Variants in PTH2R observed in about 807,000 individuals in gnomAD.
PTH2R encodes the protein PTH2 receptor.
Under a neutral mutation model 60.3 loss-of-function variants are expected in PTH2R, and 59 were observed. That is an observed-to-expected ratio of 0.98 (90% CI 0.79 to 1.22). The LOEUF (loss-of-function observed/expected upper bound fraction) is 1.22. Among genes scored for constraint, PTH2R ranks in the 50% most tolerant of loss-of-function variants. The probability of loss-of-function intolerance (pLI) is 0.00; values close to 1 mark genes in which losing one functional copy is unlikely to be tolerated. For synonymous variants in PTH2R, 256 were observed against 243.8 expected, an observed-to-expected ratio of 1.05 and a Z score of -0.47; for missense variants, 749 against 682.6, an observed-to-expected ratio of 1.10 and a Z score of -1.08.
intron 1 of PTH2R, among the ~76,000 whole-genome samples, chr2:208,366,112 G>A (rs902040214): frequency 6.7e-5 from 10 of 149,594 alleles, no homozygotes; most frequent in South Asian, 2.1e-4. Context: ...GAGCCACCAC[G>A]TCTGGCCAGT....
rs550540310 is a variant in PTH2R at position 208,394,566 on chromosome 2, C to T, written c.-258-33635C>T. Among the ~76,000 whole-genome samples the T allele has an allele frequency of 1.6e-4, 24 of 152,324 alleles. No homozygotes were observed. In the East Asian group the frequency reaches 3.9e-3, roughly 25 times the overall value. ...GAAACTAGACTTTTGGCCCTAGTCACGCTTCCCTAAGCAGCCTTAGTCCTC... is the reference window on the plus strand; with the variant it reads ...GAAACTAGACTTTTGGCCCTAGTCATGCTTCCCTAAGCAGCCTTAGTCCTC... On this transcript the variant is annotated intron_variant, in intron 1 of 12. Transcript: ENST00000617735.
At chr2:208,409,504 A>G (rs532686401) in intron 1 of PTH2R, among the ~76,000 whole-genome samples, 79 of 152,334 alleles carry the variant, frequency 5.2e-4, no homozygotes, top group Middle Eastern at 3.4e-3. Flanking sequence ...TTTTTAGCAT[A>G]CCCAGTTAAT....
chr2:208,369,957 C>A (rs1216743412), intron 1 of PTH2R, among the ~76,000 whole-genome samples: 1 of 151,970 alleles, frequency 6.6e-6, no homozygotes, highest in Non-Finnish European at 1.5e-5. Flanking sequence ...AAGTAATGAA[C>A]AAGCATCTGG....
At chr2:208,478,243 GTTC>G (rs1485410674) in intron 9 of PTH2R, among the ~76,000 whole-genome samples, 2 of 152,052 alleles carry the variant, frequency 1.3e-5, no homozygotes, top group Non-Finnish European at 2.9e-5. Context: ...AGCTGTCTTT[GTTC>G]TTCTTCTTTT....
At chr2:208,444,959 T>A (rs1702261643) in intron 7 of PTH2R, 72 bp downstream of exon 7, 2 of 1,448,718 alleles carry the variant, frequency 1.4e-6, no homozygotes, top group Non-Finnish European at 1.9e-6. Context: ...TGCCCATCAT[T>A]AGCATCCCTA....
intron 8 of PTH2R, among the ~76,000 whole-genome samples, chr2:208,457,818 G>A (rs1416658119): frequency 6.6e-6 from 1 of 152,096 alleles, no homozygotes; most frequent in Non-Finnish European, 1.5e-5. Flanking sequence ...AAAATATGTA[G>A]TTCTTAGTGT....
intron 9 of PTH2R, among the ~76,000 whole-genome samples, chr2:208,460,202 T>C (rs900275259): frequency 6.6e-5 from 10 of 152,120 alleles, no homozygotes; most frequent in Non-Finnish European, 1.5e-4. Context: ...GACTTCAAAA[T>C]ATCTATGAGC....
chr2:208,405,026 CAG>C (rs2105827868), upstream of PTH2R, among the ~76,000 whole-genome samples: 1 of 152,302 alleles, frequency 6.6e-6, no homozygotes, highest in African/African-American at 2.4e-5. Flanking sequence ...CCTCTTCTAT[CAG>C]AGCAGCCTTA....
At chr2:208,362,526 A>G (rs188308212) in intron 1 of PTH2R, among the ~76,000 whole-genome samples, 6 of 152,324 alleles carry the variant, frequency 3.9e-5, no homozygotes, top group Non-Finnish European at 5.9e-5. Flanking sequence ...AGATATATCT[A>G]TATCATAGAT....
intron 1 of PTH2R, among the ~76,000 whole-genome samples, chr2:208,377,717 C>T (rs1188223799): frequency 6.7e-6 from 1 of 149,994 alleles, no homozygotes; most frequent in African/African-American, 2.5e-5. Flanking sequence ...GGCAGAGACG[C>T]TCCTCACCTC....
At chr2:208,392,994 G>T (rs1701134543) in intron 1 of PTH2R, among the ~76,000 whole-genome samples, 1 of 152,224 alleles carries the variant, frequency 6.6e-6, no homozygotes, top group African/African-American at 2.4e-5. Flanking sequence ...TCGTATTGCT[G>T]TCTGGGCATT....
intron 8 of PTH2R, among the ~76,000 whole-genome samples, chr2:208,454,918 A>C (rs1356637694): frequency 6.6e-6 from 1 of 152,160 alleles, no homozygotes; most frequent in Non-Finnish European, 1.5e-5. Context: ...GTGAATACCT[A>C]AACTCTATAA....
At position 208,429,943 on chromosome 2, in the gene PTH2R, G is replaced by A. The variant is rs141003550; in HGVS notation, c.178+1640G>A. On this transcript the variant is annotated intron_variant, in intron 2 of 12. Transcript: ENST00000272847. Reference sequence around the variant, plus strand: ...GTAGTTACTAATATACAGTATTTGAGTTTAATTCTAAAATCTCATGTGGGC... The same window carrying A: ...GTAGTTACTAATATACAGTATTTGAATTTAATTCTAAAATCTCATGTGGGC... 7.6e-3 allele frequency among the ~76,000 whole-genome samples: 1,153 copies of A among 152,264 alleles called. 9 individuals carry two copies. Among genetic ancestry groups the A allele is most frequent in the Middle Eastern group, 0.017 (5 of 294 alleles).
At chr2:208,444,581 T>C (rs1702250460) in intron 6 of PTH2R, among the ~76,000 whole-genome samples, 153 bp from the exon 7 acceptor site, 1 of 152,320 alleles carries the variant, frequency 6.6e-6, no homozygotes, top group Admixed American at 6.5e-5. Flanking sequence ...TTAAAATAAC[T>C]GTTTTGGCCT....
At chr2:208,461,075 G>T (rs1209883559) in intron 9 of PTH2R, among the ~76,000 whole-genome samples, 1 of 152,078 alleles carries the variant, frequency 6.6e-6, no homozygotes, top group African/African-American at 2.4e-5. Context: ...GAAGCCCATT[G>T]AAATAAATGT....
At position 208,493,436 on chromosome 2, in the gene PTH2R, A is replaced by C; in HGVS notation, c.1430A>C (p.Lys477Thr). 6.2e-7 allele frequency: 1 copy of C among 1,610,240 alleles called. No individual in the cohort carries two copies. The highest frequency in any genetic ancestry group is 1.3e-5 in the African/African-American group (1 of 75,020). The change falls in exon 13 of 13, where the codon AAA becomes ACA. Residue 477 changes from lysine to threonine, a missense_variant. Physicochemically the swap from Lys to Thr is moderately conservative, Grantham distance 78 (BLOSUM62 -1). Coordinates refer to ENST00000272847, the MANE Select transcript of PTH2R (RefSeq NM_005048.4). ...ASTRMVLISG[K>T]AAKIASRQPD... ...ACACGCATGGTGCTTATCTCTGGCA[A>C]AGCTGCCAAGATCGCCAGCAGACAG...
intron 7 of PTH2R, among the ~76,000 whole-genome samples, chr2:208,448,019 C>G (rs1302104514): frequency 6.6e-6 from 1 of 152,098 alleles, no homozygotes; most frequent in Non-Finnish European, 1.5e-5. Flanking sequence ...AGATGAAACA[C>G]CAGTATGTAC....
chr2:208,360,463 C>T (rs949362603), intron 1 of PTH2R, among the ~76,000 whole-genome samples: 2 of 152,198 alleles, frequency 1.3e-5, no homozygotes, highest in African/African-American at 4.8e-5. Flanking sequence ...AGAACCGCAG[C>T]TCTGGGCCAG....
intron 2 of PTH2R, among the ~76,000 whole-genome samples, chr2:208,432,903 G>C (rs924008934): frequency 2.0e-5 from 3 of 152,016 alleles, no homozygotes; most frequent in African/African-American, 7.2e-5. Context: ...CCTCAATGAG[G>C]GTCCACTAAC....
Sources: allele counts gnomAD v4.1 joint callset (sites outside exome capture counted in the v4.1 genomes callset), GRCh38; gene constraint gnomAD v4.1.1; transcripts MANE v1.5; gene names NCBI Gene and HGNC (gene_info 2026-07-23, HGNC 2026-07-21).